ZNF33B: variants seen among roughly 807,000 people sequenced by gnomAD.
ZNF33B encodes zinc finger protein 33B, also known as zinc finger protein 11b (KOX 2).
A neutral mutation model predicts 45.8 loss-of-function variants in ZNF33B; 29 were observed. That is an observed-to-expected ratio of 0.63 (90% CI 0.47 to 0.86). The LOEUF (loss-of-function observed/expected upper bound fraction) is 0.86. ZNF33B is among the 40% of genes least tolerant of loss of function. The pLI is 0.00. For missense variants in ZNF33B, 831 were observed against 909.9 expected (o/e 0.91, Z 1.12); for synonymous variants, 305 against 307.8 (o/e 0.99, Z 0.10).
In ZNF33B at chr10:42,590,646, C is replaced by G. The variant is rs1837084418; in HGVS notation, c.*1967G>C. The G allele has an allele frequency of 6.6e-6, 1 of 152,238 alleles. No individual in the cohort carries two copies. Among genetic ancestry groups the G allele is most frequent in the African/African-American group, 2.4e-5 (1 of 41,556 alleles). 9.4% of individuals were successfully genotyped at this position (152,238 alleles called of 1,614,324 possible). On this transcript the variant is annotated 3_prime_UTR_variant, in exon 5 of 5. Transcript: ENST00000359467. ...GATATATATGCCTACTGAGATCTACCTTTTATGAGCTTTGAGAGAATGCAT... is the reference window on the plus strand; with the variant it reads ...GATATATATGCCTACTGAGATCTACGTTTTATGAGCTTTGAGAGAATGCAT...
chr10:42,617,088 T>TC (rs1838356087), intron 4 of ZNF33B, among the ~76,000 whole-genome samples: 1 of 145,072 alleles, frequency 6.9e-6, no homozygotes, highest in African/African-American at 2.5e-5. Flanking sequence ...TGTTCATTTT[T>TC]TCTCTTTTTT....
intron 4 of ZNF33B, among the ~76,000 whole-genome samples, chr10:42,597,464 C>A (rs1354826835): frequency 6.6e-6 from 1 of 151,852 alleles, no homozygotes; most frequent in Non-Finnish European, 1.5e-5. Context: ...TAATATGATA[C>A]CTTGATTGAT....
chr10:42,585,580 G>T (rs370680435), downstream of ZNF33B, among the ~76,000 whole-genome samples: 45 of 152,294 alleles, frequency 3.0e-4, no homozygotes, highest in African/African-American at 9.9e-4. Context: ...CACCAGCTTA[G>T]ATGCATAATA....
At chr10:42,599,395 CATTG>C in intron 4 of ZNF33B, among the ~76,000 whole-genome samples, 1 of 151,612 alleles carries the variant, frequency 6.6e-6, no homozygotes, top group Non-Finnish European at 1.5e-5. Flanking sequence ...TAGCTAAGAC[CATTG>C]ATTTAGACCT....
chr10:42,619,235 ATGG>A (rs1436559751), intron 4 of ZNF33B, among the ~76,000 whole-genome samples: 1 of 152,214 alleles, frequency 6.6e-6, no homozygotes, highest in African/African-American at 2.4e-5. Flanking sequence ...GCGACTTCAA[ATGG>A]TGGGAAAGTT....
At chr10:42,575,736 A>ATT (rs796452502) in intron 1 of ZNF33B, among the ~76,000 whole-genome samples, 7 of 143,476 alleles carry the variant, frequency 4.9e-5, no homozygotes, top group African/African-American at 1.8e-4. Flanking sequence ...ATACATATAT[A>ATT]TTTTTTTTTT....
intron 1 of ZNF33B, among the ~76,000 whole-genome samples, chr10:42,637,884 C>T (rs1839395777): frequency 1.3e-5 from 2 of 152,154 alleles, no homozygotes; most frequent in Non-Finnish European, 2.9e-5. Flanking sequence ...AATTCCTGAC[C>T]TCAGGTGATC....
chr10:42,632,156 C>T, intron 3 of ZNF33B, 132 bp from the exon 4 acceptor site: 2 of 1,470,276 alleles, frequency 1.4e-6, no homozygotes, highest in Admixed American at 1.9e-5. Context: ...ACACAAGTAT[C>T]TTCTGGTGCT....
intron 4 of ZNF33B, among the ~76,000 whole-genome samples, chr10:42,612,034 A>G (rs1838118574): frequency 6.6e-6 from 1 of 152,084 alleles, no homozygotes; most frequent in Non-Finnish European, 1.5e-5. Flanking sequence ...GGGAGAAAGT[A>G]TCCAGTGTCT....
downstream of ZNF33B, among the ~76,000 whole-genome samples, chr10:42,587,267 T>C (rs1338515815): frequency 6.6e-6 from 1 of 152,192 alleles, no homozygotes; most frequent in Non-Finnish European, 1.5e-5. Flanking sequence ...TGGCGCCAAC[T>C]TGGCTCACTG....
In ZNF33B at chr10:42,593,332, G is replaced by C; in HGVS notation, c.1618C>G (p.Leu540Val). The change falls in exon 5 of 5, where the codon CTC becomes GTC. Residue 540 changes from leucine to valine, a missense_variant. Transcript: ENST00000359467. ...CGKTFCLKSD[L>V]TIHQRTHTGE... ...GTGTGCGTTCTCTGATGTATTGTGA[G>C]GTCTGACTTCAAGCAGAAGGTTTTC... is the stretch of plus-strand genomic sequence containing the variant. 1 of 1,613,964 alleles carries C rather than the reference G, an allele frequency of 6.2e-7. No homozygotes were observed. Among genetic ancestry groups the C allele is most frequent in the Non-Finnish European group, 8.5e-7 (1 of 1,179,976 alleles).
chr10:42,585,844 T>C (rs116092662), downstream of ZNF33B, among the ~76,000 whole-genome samples: 254 of 152,354 alleles, frequency 1.7e-3, 1 homozygote, highest in African/African-American at 6.0e-3. Context: ...GTGGTACCCA[T>C]GGATTACCAA....
At chr10:42,604,678 C>G (rs1469156036) in intron 4 of ZNF33B, among the ~76,000 whole-genome samples, 1 of 152,040 alleles carries the variant, frequency 6.6e-6, no homozygotes, top group Non-Finnish European at 1.5e-5. Flanking sequence ...TCTGGGAGGC[C>G]AAGGCAAGCA....
At chr10:42,575,870 C>T (rs1366319550) in intron 1 of ZNF33B, among the ~76,000 whole-genome samples, 1 of 151,394 alleles carries the variant, frequency 6.6e-6, no homozygotes, top group East Asian at 1.9e-4. Flanking sequence ...GCTGGGACTA[C>T]AGACAAGCGC....
chr10:42,636,199 AG>A (rs1163768546), intron 2 of ZNF33B, among the ~76,000 whole-genome samples: 1 of 152,224 alleles, frequency 6.6e-6, no homozygotes, highest in African/African-American at 2.4e-5. Context: ...TACATCCAAA[AG>A]AAAATTGGAA....
chr10:42,612,304 C>T (rs1838134850), intron 4 of ZNF33B, among the ~76,000 whole-genome samples: 1 of 141,842 alleles, frequency 7.1e-6, no homozygotes, highest in African/African-American at 2.6e-5. Flanking sequence ...GATGCAATCT[C>T]AGCTCACTGC....
At chr10:42,608,826 C>G (rs1837974827) in intron 4 of ZNF33B, among the ~76,000 whole-genome samples, 1 of 149,992 alleles carries the variant, frequency 6.7e-6, no homozygotes, top group Non-Finnish European at 1.5e-5. Flanking sequence ...AGAAAAATAG[C>G]AGATTCCTGG....
chr10:42,638,266 G>C (rs1471496161), intron 1 of ZNF33B, among the ~76,000 whole-genome samples: 4 of 152,268 alleles, frequency 2.6e-5, no homozygotes, highest in Non-Finnish European at 4.4e-5. Flanking sequence ...ACAGGGCAAC[G>C]CACAGGGCGT....
Position 42,591,306 on chromosome 10 carries a change from T to C in ZNF33B, c.*1307A>G, listed in dbSNP as rs1837112398. On this transcript the variant is annotated 3_prime_UTR_variant, in exon 5 of 5. Coordinates refer to ENST00000359467, the MANE Select transcript of ZNF33B (RefSeq NM_006955.3). Reference sequence around the variant, plus strand: ...AGAAAATTTGGACTATCACTTACGCTGAAGGCTGGAGTGTTCACATATGTA... The same window carrying C: ...AGAAAATTTGGACTATCACTTACGCCGAAGGCTGGAGTGTTCACATATGTA... 1 of 830,374 alleles carries C rather than the reference T, an allele frequency of 1.2e-6. No individual in the cohort carries two copies. The highest frequency in any genetic ancestry group is 1.5e-6 in the Non-Finnish European group (1 of 689,068). The allele number at this position is 830,374 out of a possible 1,614,324, so 51.4% of individuals were successfully genotyped here. A position where few individuals can be genotyped will look rare whatever the true frequency, so the allele number is the denominator to read the frequency against.
Sources: allele counts gnomAD v4.1 joint callset (sites outside exome capture counted in the v4.1 genomes callset), GRCh38; gene constraint gnomAD v4.1.1; transcripts MANE v1.5; gene names NCBI Gene and HGNC (gene_info 2026-07-23, HGNC 2026-07-21).